PACSIN2: variants seen among roughly 807,000 people sequenced by gnomAD.
PACSIN2 encodes the protein protein kinase C and casein kinase substrate in neurons protein 2.
In PACSIN2, 25 loss-of-function variants were observed where a neutral mutation model predicts 63.8. The observed-to-expected ratio is 0.39, with a 90% CI of 0.29 to 0.55. The LOEUF (loss-of-function observed/expected upper bound fraction) is 0.55, where lower values mean the gene tolerates loss of function less well. PACSIN2 is among the 20% of genes least tolerant of loss of function. PACSIN2 has a pLI of 0.62. For missense variants in PACSIN2, 518 were observed against 646.9 expected, an observed-to-expected ratio of 0.80 and a Z score of 2.16; for synonymous variants, 255 against 256.2, an observed-to-expected ratio of 1.00 and a Z score of 0.05.
chr22:42,958,946 C>T (rs1050321943), intron 1 of PACSIN2, among the ~76,000 whole-genome samples: 2 of 152,140 alleles, frequency 1.3e-5, no homozygotes, highest in Non-Finnish European at 2.9e-5. Flanking sequence ...TTCAAAAATT[C>T]CAGAATATGA....
chr22:42,989,875 T>A (rs1388487928), intron 1 of PACSIN2, among the ~76,000 whole-genome samples: 11 of 147,076 alleles, frequency 7.5e-5, no homozygotes, highest in Middle Eastern at 7.2e-3. Context: ...AAAATATATA[T>A]ATATATATAT....
At chr22:42,911,407 T>TAAA (rs75497964) in intron 2 of PACSIN2, among the ~76,000 whole-genome samples, 21 of 111,462 alleles carry the variant, frequency 1.9e-4, no homozygotes, top group African/African-American at 4.4e-4. Flanking sequence ...CCTCAACTGT[T>TAAA]AAAAAAAAAA....
intron 2 of PACSIN2, among the ~76,000 whole-genome samples, chr22:42,906,288 T>C (rs1447483582): frequency 1.3e-5 from 2 of 152,342 alleles, no homozygotes; most frequent in East Asian, 1.9e-4. Flanking sequence ...AAAACCTCCA[T>C]TACTGGGTAG....
At chr22:42,874,796 C>A (rs1034797815) in intron 10 of PACSIN2, among the ~76,000 whole-genome samples, 2 of 152,222 alleles carry the variant, frequency 1.3e-5, no homozygotes. Flanking sequence ...GGTGAGGAGT[C>A]CAGGCACTGG....
intron 6 of PACSIN2, among the ~76,000 whole-genome samples, chr22:42,883,876 T>C (rs573166611): frequency 9.5e-4 from 145 of 152,188 alleles, no homozygotes; most frequent in African/African-American, 3.4e-3. Context: ...TGGTGGCGCA[T>C]GCCTGTAATC....
intron 1 of PACSIN2, among the ~76,000 whole-genome samples, chr22:42,982,864 A>G (rs1408853588): frequency 8.5e-6 from 1 of 117,266 alleles, no homozygotes; most frequent in East Asian, 2.9e-4. Flanking sequence ...CCAAAGAATG[A>G]TCAATAAAAA....
At chr22:42,926,868 A>C (rs1932571715) in intron 1 of PACSIN2, among the ~76,000 whole-genome samples, 1 of 151,096 alleles carries the variant, frequency 6.6e-6, no homozygotes, top group Non-Finnish European at 1.5e-5. Flanking sequence ...TGCTTGGAGG[A>C]GGTTAAGGAA....
intron 1 of PACSIN2, among the ~76,000 whole-genome samples, chr22:42,943,842 C>T (rs747337520): frequency 6.6e-5 from 10 of 152,118 alleles, no homozygotes; most frequent in Non-Finnish European, 1.5e-4. Flanking sequence ...GTGTCCAAAA[C>T]TTACGTTAAA....
chr22:42,994,620 G>A (rs1480137582), intron 1 of PACSIN2, among the ~76,000 whole-genome samples: 1 of 152,236 alleles, frequency 6.6e-6, no homozygotes, highest in African/African-American at 2.4e-5. Context: ...CTGGGGCAGG[G>A]AATTCCAGGG....
intron 2 of PACSIN2, among the ~76,000 whole-genome samples, chr22:42,898,449 TTAG>T (rs1930446760): frequency 6.6e-6 from 1 of 152,082 alleles, no homozygotes; most frequent in Non-Finnish European, 1.5e-5. Flanking sequence ...TTTTGTATTT[TTAG>T]TAGAGACGGG....
intron 1 of PACSIN2, among the ~76,000 whole-genome samples, chr22:42,985,041 T>C (rs1922508575): frequency 6.6e-6 from 1 of 152,166 alleles, no homozygotes; most frequent in East Asian, 1.9e-4. Context: ...TCAGTAAGTG[T>C]GTATGGGCTG....
At chr22:42,942,397 T>C (rs1367730767) in intron 1 of PACSIN2, among the ~76,000 whole-genome samples, 1 of 152,198 alleles carries the variant, frequency 6.6e-6, no homozygotes, top group Non-Finnish European at 1.5e-5. Context: ...TTTTCTTTTG[T>C]TGATTGTTTT....
At chr22:42,954,986 T>C (rs1933852509) in intron 1 of PACSIN2, among the ~76,000 whole-genome samples, 1 of 152,196 alleles carries the variant, frequency 6.6e-6, no homozygotes, top group Non-Finnish European at 1.5e-5. Flanking sequence ...TCTGACCTCC[T>C]TGCCTTTGCA....
chr22:42,965,663 C>T (rs1601587050), intron 1 of PACSIN2, among the ~76,000 whole-genome samples: 1 of 152,254 alleles, frequency 6.6e-6, no homozygotes, highest in East Asian at 1.9e-4. Flanking sequence ...ATAACTGATC[C>T]TCTACCAATG....
At chr22:42,892,533 T>A (rs995162490) in intron 3 of PACSIN2, among the ~76,000 whole-genome samples, 2 of 152,286 alleles carry the variant, frequency 1.3e-5, no homozygotes. Context: ...AGCTTGATCC[T>A]GGGAGAGGGG....
intron 1 of PACSIN2, among the ~76,000 whole-genome samples, chr22:42,973,302 C>T (rs1182102907): frequency 2.0e-5 from 3 of 152,226 alleles, no homozygotes; most frequent in Non-Finnish European, 2.9e-5. Context: ...TCACAGGTCT[C>T]GCCCACAAGG....
chr22:42,943,870 A>G (rs3819674), intron 1 of PACSIN2, among the ~76,000 whole-genome samples: 29,933 of 152,102 alleles, frequency 0.2, 4,665 homozygotes, highest in East Asian at 0.69. Flanking sequence ...ACAATACAAT[A>G]TAGAAAGCAA....
At chr22:42,895,552 A>G (rs551793354) in intron 2 of PACSIN2, among the ~76,000 whole-genome samples, 1 of 152,366 alleles carries the variant, frequency 6.6e-6, no homozygotes, top group African/African-American at 2.4e-5. Flanking sequence ...AAAGAAAAGG[A>G]TATTTCTTAA....
At chr22:42,926,747 G>A (rs902550951) in intron 1 of PACSIN2, among the ~76,000 whole-genome samples, 3 of 151,978 alleles carry the variant, frequency 2.0e-5, no homozygotes, top group East Asian at 3.9e-4. Context: ...TGGGAGGACT[G>A]CTTGAGCCTA....
Sources: gnomAD v4.1 joint callset for allele counts (sites outside exome capture counted in the v4.1 genomes callset) on GRCh38, gnomAD v4.1.1 for gene constraint, MANE v1.5 for transcripts, NCBI Gene and HGNC (gene_info 2026-07-23, HGNC 2026-07-21) for gene names.